C9orf153: variants seen among roughly 807,000 people sequenced by gnomAD.
C9orf153 encodes chromosome 9 open reading frame 153.
C9orf153 carries 10 observed loss-of-function variants against 9.0 expected under a neutral mutation model. The ratio of observed to expected loss-of-function variants is 1.11; its 90% CI spans 0.69 to 1.89. The LOEUF is 1.89. C9orf153 is among the 40% of genes most tolerant of loss of function. The probability of loss-of-function intolerance (pLI) is 0.00; values close to 1 mark genes in which losing one functional copy is unlikely to be tolerated. For missense variants in C9orf153, 108 were observed against 111.0 expected (o/e 0.97, Z 0.12); for synonymous variants, 35 against 37.3 (o/e 0.94, Z 0.23).
At chr9:86,242,159 A>G (rs1197760331) in intron 1 of C9orf153, among the ~76,000 whole-genome samples, 1 of 152,150 alleles carries the variant, frequency 6.6e-6, no homozygotes, top group Non-Finnish European at 1.5e-5. Flanking sequence ...CTGAGCCCTG[A>G]GAAAAACAGG....
intron 1 of C9orf153, among the ~76,000 whole-genome samples, chr9:86,241,093 A>AT (rs1392816592): frequency 2.6e-5 from 4 of 151,840 alleles, no homozygotes; most frequent in African/African-American, 4.8e-5. Context: ...TATTGAGCTT[A>AT]TTTTTTCTAT....
At chr9:86,232,887 C>A (rs186507775) in intron 1 of C9orf153, among the ~76,000 whole-genome samples, 155 of 152,144 alleles carry the variant, frequency 1.0e-3, no homozygotes, top group Non-Finnish European at 2.0e-3. Flanking sequence ...CAAGCGCCAC[C>A]ACACCCGGCT....
rs548044232 is a variant in C9orf153, at chr9:86,253,888, A to G, written c.-27+5662T>C. ...GGGCAGATCATGAGGTCAGGAGATA[A>G]AGACTATCCTGGCTAACATGATGAA... On this transcript the variant is annotated intron_variant, in intron 1 of 3. Transcript: ENST00000339137. 7.2e-5 allele frequency among the ~76,000 whole-genome samples: 11 copies of G among 152,192 alleles called. 1 individual carries two copies. The South Asian group carries it at 2.3e-3, about 32-fold the overall frequency.
intron 1 of C9orf153, among the ~76,000 whole-genome samples, chr9:86,237,438 A>G (rs1824622429): frequency 7.1e-6 from 1 of 140,286 alleles, no homozygotes; most frequent in East Asian, 2.3e-4. Flanking sequence ...TATGTTGTCT[A>G]CAAGACACAC....
intron 1 of C9orf153, among the ~76,000 whole-genome samples, chr9:86,240,238 G>A (rs1314315643): frequency 6.6e-6 from 1 of 152,082 alleles, no homozygotes; most frequent in Non-Finnish European, 1.5e-5. Context: ...TAGCATCAAA[G>A]AGCTTATAAG....
At chr9:86,256,008 G>GT (rs1825116819) in intron 1 of C9orf153, among the ~76,000 whole-genome samples, 1 of 152,240 alleles carries the variant, frequency 6.6e-6, no homozygotes. Flanking sequence ...AGCTGCCTCT[G>GT]TAAGATCATC....
At position 86,229,529 on chromosome 9, in the gene C9orf153, AG is replaced by A; in HGVS notation, c.66+8del. Reference sequence around the variant, plus strand: ...GTGTACACCTCGTTGTACAATGTTAAGTACATACTGAACATTGAGGAAGGGT... The same window carrying A: ...GTGTACACCTCGTTGTACAATGTTAATACATACTGAACATTGAGGAAGGGT... On this transcript the variant is annotated splice_region_variant and intron_variant, in intron 2 of 3. Coordinates refer to ENST00000339137, the MANE Select transcript of C9orf153 (RefSeq NM_001276366.4). 1 of 1,589,174 alleles carries A rather than the reference AG, an allele frequency of 6.3e-7. No individual in the cohort carries two copies. The highest frequency in any genetic ancestry group is 2.2e-5 in the East Asian group (1 of 44,750).
chr9:86,232,007 G>A (rs924367789), intron 1 of C9orf153, among the ~76,000 whole-genome samples: 1 of 151,704 alleles, frequency 6.6e-6, no homozygotes, highest in Non-Finnish European at 1.5e-5. Context: ...GTAATCTCTC[G>A]CCTCTCTCCC....
At chr9:86,230,763 A>G (rs556831967) in intron 1 of C9orf153, among the ~76,000 whole-genome samples, 7 of 152,234 alleles carry the variant, frequency 4.6e-5, no homozygotes, top group Non-Finnish European at 1.0e-4. Flanking sequence ...AAAATAATTT[A>G]CTTTGTGTCA....
chr9:86,221,797 G>C, intron 3 of C9orf153, 64 bp from the exon 4 acceptor site: 1 of 1,121,374 alleles, frequency 8.9e-7, no homozygotes, highest in Admixed American at 2.0e-5. Flanking sequence ...ATTACTCAGA[G>C]ATGCTTCATG....
intron 1 of C9orf153, among the ~76,000 whole-genome samples, chr9:86,253,571 A>G (rs1825040569): frequency 6.6e-6 from 1 of 152,200 alleles, no homozygotes; most frequent in Admixed American, 6.5e-5. Context: ...ATAACCAACC[A>G]ACCAATCATT....
chr9:86,233,125 ATT>A (rs1824507675), intron 1 of C9orf153, among the ~76,000 whole-genome samples: 1 of 151,590 alleles, frequency 6.6e-6, no homozygotes, highest in Non-Finnish European at 1.5e-5. Context: ...GCTTCCTATC[ATT>A]CTCTTATCTT....
In C9orf153 at chr9:86,229,945, A is replaced by G. The variant is rs571250581; in HGVS notation, c.-26-316T>C. 2.0e-4 allele frequency among the ~76,000 whole-genome samples: 30 copies of G among 152,202 alleles called. No individual in the cohort carries two copies. The East Asian group carries it at 5.8e-3, about 29-fold the overall frequency. On this transcript the variant is annotated intron_variant, in intron 1 of 3. Transcript: ENST00000339137. Reference sequence around the variant, plus strand: ...GCACGTCTTACATGGCCAGGACAGGAGAAAGAAAGAGCAAAGGGGGAAGTG... The same window carrying G: ...GCACGTCTTACATGGCCAGGACAGGGGAAAGAAAGAGCAAAGGGGGAAGTG...
chr9:86,231,181 A>G (rs1228929195), intron 1 of C9orf153, among the ~76,000 whole-genome samples: 1 of 152,176 alleles, frequency 6.6e-6, no homozygotes, highest in African/African-American at 2.4e-5. Context: ...ACCTCAGCCA[A>G]TCCCAGATGG....
chr9:86,240,947 C>T (rs934418824), intron 1 of C9orf153, among the ~76,000 whole-genome samples: 1 of 151,784 alleles, frequency 6.6e-6, no homozygotes. Context: ...GACCTCATGA[C>T]GCGTCCACCT....
intron 3 of C9orf153, among the ~76,000 whole-genome samples, chr9:86,226,918 C>T (rs1240908520): frequency 6.6e-6 from 1 of 152,142 alleles, no homozygotes; most frequent in African/African-American, 2.4e-5. Flanking sequence ...GCACCCACCA[C>T]CACGCCCAGC....
intron 1 of C9orf153, among the ~76,000 whole-genome samples, chr9:86,254,090 CA>C (rs35119532): frequency 0.42 from 45,153 of 108,356 alleles, 6,981 homozygotes; most frequent in Middle Eastern, 0.51. Context: ...GACTCCATTT[CA>C]AAAAAAAAAA....
chr9:86,233,239 C>T (rs116590558), intron 1 of C9orf153, among the ~76,000 whole-genome samples: 284 of 152,282 alleles, frequency 1.9e-3, no homozygotes, highest in African/African-American at 6.3e-3. Context: ...GATCCTACCA[C>T]TAACCCTGGA....
intron 2 of C9orf153, chr9:86,228,819 TAACGCGTGGGAAAGTAGA>T (rs1417078429): frequency 1.2e-5 from 2 of 173,854 alleles, no homozygotes; most frequent in African/African-American, 4.7e-5. Context: ...GAAAGTGAGC[TAACGCGTGGGAAAGTAGA>T]AGGGACTTTG....
Sources: gnomAD v4.1 joint callset for allele counts (sites outside exome capture counted in the v4.1 genomes callset) on GRCh38, gnomAD v4.1.1 for gene constraint, MANE v1.5 for transcripts, NCBI Gene and HGNC (gene_info 2026-07-23, HGNC 2026-07-21) for gene names.